Variants in CSTPP1 observed in about 807,000 individuals in gnomAD.
The protein encoded by CSTPP1 is UPF0705 protein C11orf49.
chr11:47,141,607 T>TA, the CSTPP1 span, among the ~76,000 whole-genome samples: 147 of 128,798 alleles, frequency 1.1e-3, no homozygotes, highest in South Asian at 4.7e-3. Context: ...ACTCTGTCTT[T>TA]AAAAAAAAAA....
At chr11:46,997,793 G>GC in the CSTPP1 span, among the ~76,000 whole-genome samples, 1 of 152,208 alleles carries the variant, frequency 6.6e-6, no homozygotes, top group Non-Finnish European at 1.5e-5. Flanking sequence ...AGGACCCTCA[G>GC]CTGCAGGTCT....
the CSTPP1 span, among the ~76,000 whole-genome samples, chr11:47,060,086 A>G: frequency 6.7e-6 from 1 of 148,876 alleles, no homozygotes; most frequent in Admixed American, 6.8e-5. Context: ...CCTAGGCAAC[A>G]GAGCGAGACT....
the CSTPP1 span, among the ~76,000 whole-genome samples, chr11:47,153,588 T>G: frequency 6.6e-6 from 1 of 152,210 alleles, no homozygotes; most frequent in Non-Finnish European, 1.5e-5. Flanking sequence ...CCTCAGACTC[T>G]TCACGTGTAG....
chr11:46,969,549 A>C, the CSTPP1 span, among the ~76,000 whole-genome samples: 1 of 152,234 alleles, frequency 6.6e-6, no homozygotes, highest in South Asian at 2.1e-4. Flanking sequence ...CAAAAAACTC[A>C]TACTAGAATG....
the CSTPP1 span, chr11:46,987,260 A>G: frequency 6.2e-7 from 1 of 1,614,200 alleles, no homozygotes; most frequent in Admixed American, 1.7e-5. Flanking sequence ...AGCTGCTAGA[A>G]AACAGGGAAG....
the CSTPP1 span, among the ~76,000 whole-genome samples, chr11:47,025,193 G>A: frequency 2.0e-5 from 3 of 152,048 alleles, no homozygotes; most frequent in African/African-American, 7.2e-5. Context: ...AGCTTTAGAA[G>A]GTAAATATAC....
At chr11:47,021,843 G>A in the CSTPP1 span, among the ~76,000 whole-genome samples, 1 of 152,056 alleles carries the variant, frequency 6.6e-6, no homozygotes, top group African/African-American at 2.4e-5. Context: ...AATCCCCTCT[G>A]TCTCTAAAAG....
chr11:47,035,698 T>C, the CSTPP1 span, among the ~76,000 whole-genome samples: 1 of 152,182 alleles, frequency 6.6e-6, no homozygotes. Flanking sequence ...AACAGATTTG[T>C]GTATATTTTA....
chr11:47,143,488 G>A, the CSTPP1 span, among the ~76,000 whole-genome samples: 2 of 152,242 alleles, frequency 1.3e-5, no homozygotes, highest in Admixed American at 6.5e-5. Flanking sequence ...CTGTTCAGGG[G>A]CATGGTGTCT....
the CSTPP1 span, among the ~76,000 whole-genome samples, chr11:47,144,180 A>T: frequency 1.3e-5 from 2 of 152,192 alleles, no homozygotes; most frequent in Non-Finnish European, 2.9e-5. Flanking sequence ...CACATTGTAG[A>T]CATTAAATCA....
At chr11:46,965,327 C>T in the CSTPP1 span, among the ~76,000 whole-genome samples, 3 of 148,792 alleles carry the variant, frequency 2.0e-5, no homozygotes, top group Admixed American at 6.8e-5. Context: ...CGGGTTCAAG[C>T]GATTCTTCTT....
At chr11:47,074,368 G>A in the CSTPP1 span, among the ~76,000 whole-genome samples, 1 of 151,106 alleles carries the variant, frequency 6.6e-6, no homozygotes, top group Non-Finnish European at 1.5e-5. Flanking sequence ...AGGCATAGTG[G>A]CTCACGCCTC....
At chr11:47,144,655 C>A in the CSTPP1 span, among the ~76,000 whole-genome samples, 2 of 152,280 alleles carry the variant, frequency 1.3e-5, no homozygotes, top group African/African-American at 4.8e-5. Context: ...AAAGACAAGA[C>A]TTCTTGTGAT....
chr11:47,161,977 A>G, the CSTPP1 span: 13 of 1,052,894 alleles, frequency 1.2e-5, no homozygotes, highest in African/African-American at 6.8e-5. Context: ...GGGTCCCCCA[A>G]TAAGGTTCAT....
chr11:47,112,536 G>T, the CSTPP1 span, among the ~76,000 whole-genome samples: 1 of 152,108 alleles, frequency 6.6e-6, no homozygotes, highest in Non-Finnish European at 1.5e-5. Flanking sequence ...TGGCCAGGCT[G>T]GTCTCAAATT....
the CSTPP1 span, among the ~76,000 whole-genome samples, chr11:47,126,339 C>T: frequency 3.3e-5 from 5 of 152,086 alleles, no homozygotes; most frequent in Admixed American, 1.3e-4. Context: ...GTAATAGTCA[C>T]TGGCCAGGTG....
chr11:47,117,167 T>A, the CSTPP1 span, among the ~76,000 whole-genome samples: 1 of 152,242 alleles, frequency 6.6e-6, no homozygotes, highest in Non-Finnish European at 1.5e-5. Flanking sequence ...GTGAATTTGA[T>A]CCTGTCATTA....
chr11:47,099,660 A>G, the CSTPP1 span, among the ~76,000 whole-genome samples: 1 of 152,254 alleles, frequency 6.6e-6, no homozygotes, highest in Admixed American at 6.5e-5. Flanking sequence ...TGTTTTGAGC[A>G]CTTCAGATAA....
the CSTPP1 span, among the ~76,000 whole-genome samples, chr11:46,993,327 G>A: frequency 6.6e-6 from 1 of 151,354 alleles, no homozygotes; most frequent in Non-Finnish European, 1.5e-5. Context: ...TGCCTGTCCT[G>A]AATGGTATTG....
Sources: allele counts gnomAD v4.1 joint callset (sites outside exome capture counted in the v4.1 genomes callset), GRCh38; gene constraint gnomAD v4.1.1; transcripts MANE v1.5; gene names NCBI Gene and HGNC (gene_info 2026-07-23, HGNC 2026-07-21).